Variants in TNR observed in about 807,000 individuals in gnomAD.
TNR encodes the protein tenascin-R.
TNR carries 45 observed loss-of-function variants against 150.4 expected under a neutral mutation model. The observed-to-expected ratio is 0.30, with a 90% confidence interval of 0.24 to 0.38. The LOEUF (loss-of-function observed/expected upper bound fraction) is 0.38, where lower values mean the gene tolerates loss of function less well. Among genes scored for constraint, TNR ranks in the 10% least tolerant of loss-of-function variants. The pLI is 1.00. For synonymous variants in TNR, 687 were observed against 678.4 expected (o/e 1.01, Z -0.20); for missense variants, 1,544 against 1,759.1 (o/e 0.88, Z 2.19).
chr1:175,608,106 A>G (rs1318759909), intron 1 of TNR, among the ~76,000 whole-genome samples: 2 of 152,190 alleles, frequency 1.3e-5, no homozygotes, highest in Non-Finnish European at 2.9e-5. Flanking sequence ...AGGCTTTTAG[A>G]AGCCTTTGTC....
intron 9 of TNR, among the ~76,000 whole-genome samples, chr1:175,377,873 T>C (rs1435879945): frequency 6.6e-6 from 1 of 152,162 alleles, no homozygotes; most frequent in Non-Finnish European, 1.5e-5. Context: ...CTGCACAGCA[T>C]CTCCTTTATC....
intron 2 of TNR, among the ~76,000 whole-genome samples, chr1:175,458,972 C>T (rs73044423): frequency 3.7e-4 from 56 of 151,298 alleles, no homozygotes; most frequent in East Asian, 1.2e-3. Flanking sequence ...ATCACCACCA[C>T]GTTAACCACA....
chr1:175,505,895 G>A (rs1346462971), intron 2 of TNR, among the ~76,000 whole-genome samples: 2 of 1,336 alleles, frequency 1.5e-3, no homozygotes, highest in East Asian at 0.031. Flanking sequence ...ACAAAAATTA[G>A]CCAGGCCTGG....
intron 5 of TNR, among the ~76,000 whole-genome samples, chr1:175,394,380 A>C (rs1371943473): frequency 1.3e-5 from 2 of 152,312 alleles, no homozygotes; most frequent in East Asian, 3.9e-4. Context: ...GTTGTGGAGC[A>C]AACCAGTTTC....
intron 1 of TNR, among the ~76,000 whole-genome samples, chr1:175,563,143 A>G (rs1035035818): frequency 2.0e-5 from 3 of 152,206 alleles, no homozygotes; most frequent in Admixed American, 2.0e-4. Context: ...TACATCTGAC[A>G]TGGTTCTCTC....
chr1:175,628,393 T>TTA (rs1664220621), intron 1 of TNR, among the ~76,000 whole-genome samples: 1 of 152,008 alleles, frequency 6.6e-6, no homozygotes, highest in African/African-American at 2.4e-5. Flanking sequence ...GTGGCACCTT[T>TTA]TAGGAGATAT....
In TNR at chr1:175,406,759, A is replaced by G; in HGVS notation, c.-45T>C. ...GGTTCAGGACCAGCCTGCAGCACAC[A>G]GCATGGAGTTGTGGGAATCTGCAAC... On this transcript the variant is annotated 5_prime_UTR_variant, in exon 3 of 23. Transcript: ENST00000367674. 1 of 1,589,870 alleles carries G rather than the reference A, an allele frequency of 6.3e-7. No individual in the cohort carries two copies. Among genetic ancestry groups the G allele is most frequent in the Non-Finnish European group, 8.6e-7 (1 of 1,168,464 alleles).
chr1:175,580,702 A>G (rs1324340694), intron 1 of TNR, among the ~76,000 whole-genome samples: 1 of 152,104 alleles, frequency 6.6e-6, no homozygotes, highest in African/African-American at 2.4e-5. Flanking sequence ...TGTCCATGAT[A>G]TTTTCACGTA....
chr1:175,524,582 G>T (rs989025538), intron 2 of TNR, among the ~76,000 whole-genome samples: 1 of 152,142 alleles, frequency 6.6e-6, no homozygotes, highest in Non-Finnish European at 1.5e-5. Flanking sequence ...GGAAGAGTTA[G>T]TTGTGGCCAG....
intron 18 of TNR, among the ~76,000 whole-genome samples, chr1:175,350,537 A>G (rs1651006227): frequency 1.3e-5 from 2 of 152,142 alleles, no homozygotes; most frequent in South Asian, 4.1e-4. Context: ...ATGTATCCAT[A>G]TTTTTTCTCT....
intron 2 of TNR, among the ~76,000 whole-genome samples, chr1:175,518,470 C>T (rs1659502407): frequency 6.6e-6 from 1 of 152,146 alleles, no homozygotes; most frequent in African/African-American, 2.4e-5. Context: ...TTCATGGGGT[C>T]ATCATCTTTT....
rs745802004 is a variant in TNR at position 175,324,552 on chromosome 1, A to C, written c.3794-33T>G. 9 of 1,605,958 alleles carry C rather than the reference A, an allele frequency of 5.6e-6. No homozygotes were observed. The Admixed American group carries it at 1.5e-4, about 27-fold the overall frequency. ...AAAGATACATTCATTAGGCTGTCCCATTTGTCACTGCTTTATCAGGATTTT... is the reference window on the plus strand; with the variant it reads ...AAAGATACATTCATTAGGCTGTCCCCTTTGTCACTGCTTTATCAGGATTTT... On this transcript the variant is annotated intron_variant, in intron 21 of 22. Coordinates refer to ENST00000367674, the MANE Select transcript of TNR (RefSeq NM_003285.3).
At chr1:175,393,349 T>C (rs993483846) in intron 6 of TNR, among the ~76,000 whole-genome samples, 1 of 152,246 alleles carries the variant, frequency 6.6e-6, no homozygotes, top group African/African-American at 2.4e-5. Context: ...GCAAGCTGAC[T>C]TTTCTGTGGT....
At chr1:175,383,748 A>C (rs1426458661) in intron 8 of TNR, among the ~76,000 whole-genome samples, 4 of 152,224 alleles carry the variant, frequency 2.6e-5, no homozygotes, top group Non-Finnish European at 5.9e-5. Context: ...CCTCATCATG[A>C]GGGTCTGGGT....
chr1:175,420,643 G>A lies in TNR; in HGVS notation c.-63-13866C>T, dbSNP rs184258018. On this transcript the variant is annotated intron_variant, in intron 2 of 22. Transcript: ENST00000367674. ...ATGAGTCAGAATAACAGAACACCTG[G>A]TATTTGTAGAGCTCATCTGAGTTTT... 7.0e-4 allele frequency among the ~76,000 whole-genome samples: 106 copies of A among 152,276 alleles called. 1 individual carries two copies. Among genetic ancestry groups the A allele is most frequent in the African/African-American group, 2.4e-3 (101 of 41,556 alleles).
At chr1:175,705,081 G>T (rs1439390359) in intron 1 of TNR, among the ~76,000 whole-genome samples, 2 of 152,148 alleles carry the variant, frequency 1.3e-5, no homozygotes, top group Admixed American at 6.5e-5. Flanking sequence ...GTGAGCGCCT[G>T]GTGTGAGCTC....
chr1:175,375,477 G>GGT (rs1553211214), intron 9 of TNR, among the ~76,000 whole-genome samples: 4 of 90,216 alleles, frequency 4.4e-5, no homozygotes, highest in Non-Finnish European at 9.7e-5. Context: ...AGAGAATAAT[G>GGT]GGGGGGGAGT....
At chr1:175,649,900 T>G (rs1664904498) in intron 1 of TNR, among the ~76,000 whole-genome samples, 1 of 152,228 alleles carries the variant, frequency 6.6e-6, no homozygotes, top group Admixed American at 6.5e-5. Context: ...CAAGTGATGT[T>G]TCCTCTGCCT....
At chr1:175,612,922 GC>G (rs34355907) in intron 1 of TNR, among the ~76,000 whole-genome samples, 25,096 of 152,156 alleles carry the variant, frequency 0.16, 3,596 homozygotes, top group African/African-American at 0.39. Flanking sequence ...TAGGAACACA[GC>G]CCCCCTTTCC....
Sources: gnomAD v4.1 joint callset for allele counts (sites outside exome capture counted in the v4.1 genomes callset) on GRCh38, gnomAD v4.1.1 for gene constraint, MANE v1.5 for transcripts, NCBI Gene and HGNC (gene_info 2026-07-23, HGNC 2026-07-21) for gene names.